AUTS2: variants seen among roughly 807,000 people sequenced by gnomAD.
AUTS2 encodes autism susceptibility gene 2 protein.
In AUTS2, 17 loss-of-function variants were observed where a neutral mutation model predicts 112.4. That is an observed-to-expected ratio of 0.15 (90% CI 0.10 to 0.23). AUTS2 has a LOEUF of 0.23. AUTS2 is among the 10% of genes least tolerant of loss of function. The probability of loss-of-function intolerance (pLI) is 1.00; values close to 1 mark genes in which losing one functional copy is unlikely to be tolerated. For missense variants in AUTS2, 1,510 were observed against 1,701.6 expected, an observed-to-expected ratio of 0.89 and a Z score of 1.98; for synonymous variants, 751 against 702.7, an observed-to-expected ratio of 1.07 and a Z score of -1.09.
At chr7:69,625,421 G>T (rs1356178247) in intron 1 of AUTS2, among the ~76,000 whole-genome samples, 1 of 152,144 alleles carries the variant, frequency 6.6e-6, no homozygotes, top group Admixed American at 6.5e-5. Context: ...GGAAGGGCAG[G>T]CTTTGTGAAA....
chr7:70,768,091 A>T, intron 10 of AUTS2, 23 bp downstream of exon 10: 1 of 1,588,636 alleles, frequency 6.3e-7, no homozygotes, highest in Non-Finnish European at 8.5e-7. Flanking sequence ...ACCATGCTAC[A>T]CATTGAATGT....
intron 4 of AUTS2, among the ~76,000 whole-genome samples, chr7:70,352,192 C>T (rs1053333568): frequency 2.0e-5 from 3 of 152,168 alleles, no homozygotes; most frequent in Non-Finnish European, 4.4e-5. Context: ...ATTAGTAAGT[C>T]ATGAAGCCAG....
chr7:69,972,559 T>C (rs1313076595), intron 2 of AUTS2, among the ~76,000 whole-genome samples: 1 of 152,108 alleles, frequency 6.6e-6, no homozygotes, highest in African/African-American at 2.4e-5. Context: ...TTCTTTTCCT[T>C]TTTTCCTAAA....
intron 5 of AUTS2, among the ~76,000 whole-genome samples, chr7:70,693,772 T>C (rs1343553042): frequency 6.6e-6 from 1 of 152,184 alleles, no homozygotes; most frequent in Non-Finnish European, 1.5e-5. Flanking sequence ...TTCCCTGCCA[T>C]GGCGCAATCT....
At chr7:69,936,339 T>A (rs1233667141) in intron 2 of AUTS2, among the ~76,000 whole-genome samples, 1 of 151,874 alleles carries the variant, frequency 6.6e-6, no homozygotes, top group Non-Finnish European at 1.5e-5. Context: ...GACCTACAGA[T>A]TTTTTTTGTT....
rs116996395 is a variant in AUTS2, at chr7:69,842,925, A to G, written c.310-56361A>G. On this transcript the variant is annotated intron_variant, in intron 1 of 18. Coordinates refer to ENST00000342771, the MANE Select transcript of AUTS2 (RefSeq NM_015570.4). ...CCGAGAGGTATAAAACCTCACTGAT[A>G]GCCAGGCATAATGGCTAGGGTTTAC... Among the ~76,000 whole-genome samples, 51 of 152,264 alleles carry G rather than the reference A, an allele frequency of 3.3e-4. 1 individual carries two copies. In the East Asian group the frequency reaches 9.8e-3, roughly 29 times the overall value.
At chr7:70,417,262 G>A (rs979502664) in intron 4 of AUTS2, among the ~76,000 whole-genome samples, 7 of 152,234 alleles carry the variant, frequency 4.6e-5, no homozygotes, top group African/African-American at 1.4e-4. Flanking sequence ...GCAGATGGAG[G>A]CAGAGGCAGC....
chr7:69,771,269 A>G (rs1466336438), intron 1 of AUTS2, among the ~76,000 whole-genome samples: 1 of 152,166 alleles, frequency 6.6e-6, no homozygotes, highest in African/African-American at 2.4e-5. Context: ...TTCAAGAGCA[A>G]TTTTCCCTAT....
intron 4 of AUTS2, among the ~76,000 whole-genome samples, chr7:70,249,540 A>G (rs946672668): frequency 2.0e-5 from 3 of 152,112 alleles, no homozygotes; most frequent in African/African-American, 4.8e-5. Flanking sequence ...TTCATTTTTA[A>G]CAAGTTTCCC....
chr7:70,289,285 G>A (rs1046511609), intron 4 of AUTS2, among the ~76,000 whole-genome samples: 2 of 152,198 alleles, frequency 1.3e-5, no homozygotes, highest in African/African-American at 4.8e-5. Context: ...GTGTTAAGTG[G>A]GTTGTAACTG....
intron 4 of AUTS2, among the ~76,000 whole-genome samples, chr7:70,344,920 C>G (rs1415275292): frequency 2.6e-5 from 4 of 152,132 alleles, no homozygotes; most frequent in Non-Finnish European, 5.9e-5. Context: ...CTCCTCTGGC[C>G]GCCTGTTGTA....
chr7:70,118,094 C>T (rs773983972), intron 2 of AUTS2, 38 bp from the exon 3 acceptor site: 119 of 1,568,278 alleles, frequency 7.6e-5, no homozygotes, highest in Non-Finnish European at 1.0e-4. Flanking sequence ...AAGCAGACCA[C>T]TAACTTTTTC....
intron 5 of AUTS2, among the ~76,000 whole-genome samples, chr7:70,621,408 C>T (rs1804667349): frequency 6.6e-6 from 1 of 152,236 alleles, no homozygotes; most frequent in Non-Finnish European, 1.5e-5. Flanking sequence ...GCCACCTGAA[C>T]CATTTTTAAA....
At chr7:69,675,637 A>G (rs1796530093) in intron 1 of AUTS2, among the ~76,000 whole-genome samples, 1 of 151,214 alleles carries the variant, frequency 6.6e-6, no homozygotes, top group South Asian at 2.1e-4. Flanking sequence ...CTCCCAAGAA[A>G]CTGGGATTAC....
At chr7:70,313,903 C>G (rs73173508) in intron 4 of AUTS2, among the ~76,000 whole-genome samples, 1 of 152,146 alleles carries the variant, frequency 6.6e-6, no homozygotes, top group East Asian at 1.9e-4. Flanking sequence ...AGAGGGGTAA[C>G]GCTCTCATAA....
chr7:70,513,950 G>T (rs1160273322), intron 5 of AUTS2, among the ~76,000 whole-genome samples: 2 of 152,180 alleles, frequency 1.3e-5, no homozygotes, highest in African/African-American at 4.8e-5. Context: ...GTGAGCCACT[G>T]TGCCTGGCCC....
At chr7:70,031,370 T>G (rs932187683) in intron 2 of AUTS2, among the ~76,000 whole-genome samples, 1 of 152,162 alleles carries the variant, frequency 6.6e-6, no homozygotes, top group Non-Finnish European at 1.5e-5. Flanking sequence ...GCTTGTTAAC[T>G]GGGTTTATTA....
chr7:70,303,776 T>C (rs951569517), intron 4 of AUTS2, among the ~76,000 whole-genome samples: 1 of 152,154 alleles, frequency 6.6e-6, no homozygotes, highest in African/African-American at 2.4e-5. Context: ...ACTGGTGCCC[T>C]GACACTCTTC....
At chr7:69,643,732 G>A (rs1034241703) in intron 1 of AUTS2, among the ~76,000 whole-genome samples, 1 of 152,060 alleles carries the variant, frequency 6.6e-6, no homozygotes, top group African/African-American at 2.4e-5. Context: ...GCAGCAGTAA[G>A]TAAATTTGAA....
Sources: allele counts gnomAD v4.1 joint callset (sites outside exome capture counted in the v4.1 genomes callset), GRCh38; gene constraint gnomAD v4.1.1; transcripts MANE v1.5; gene names NCBI Gene and HGNC (gene_info 2026-07-23, HGNC 2026-07-21).